SPMIP2: variants seen among roughly 807,000 people sequenced by gnomAD.
SPMIP2 encodes the protein protein SPMIP2.
chr4:159,020,610 CT>C, the SPMIP2 span, among the ~76,000 whole-genome samples: 1 of 152,162 alleles, frequency 6.6e-6, no homozygotes. Context: ...CCTATGCCAC[CT>C]TCTGGGAAGT....
the SPMIP2 span, among the ~76,000 whole-genome samples, chr4:159,018,828 C>T: frequency 5.3e-5 from 8 of 152,150 alleles, no homozygotes; most frequent in Middle Eastern, 3.2e-3. Context: ...CAGTGGCTCA[C>T]GCCTGTAATC....
At chr4:159,029,369 G>T in the SPMIP2 span, among the ~76,000 whole-genome samples, 1 of 152,136 alleles carries the variant, frequency 6.6e-6, no homozygotes, top group African/African-American at 2.4e-5. Flanking sequence ...ATCTAAAAGT[G>T]CATACATAAA....
At chr4:159,050,717 A>G in the SPMIP2 span, among the ~76,000 whole-genome samples, 1 of 151,632 alleles carries the variant, frequency 6.6e-6, no homozygotes, top group African/African-American at 2.4e-5. Context: ...GATCACTTGA[A>G]CCCAGGAGTT....
At chr4:158,965,141 A>G in the SPMIP2 span, among the ~76,000 whole-genome samples, 1 of 152,206 alleles carries the variant, frequency 6.6e-6, no homozygotes, top group African/African-American at 2.4e-5. Context: ...ACGAAACAAA[A>G]CAAAACAAGA....
the SPMIP2 span, among the ~76,000 whole-genome samples, chr4:159,004,835 TAAAGCTACCAGGTC>T: frequency 1.1e-4 from 16 of 152,104 alleles, no homozygotes; most frequent in Non-Finnish European, 2.1e-4. Flanking sequence ...GACCTGGTAT[TAAAGCTACCAGGTC>T]AAGAGTGGTT....
At chr4:159,044,484 G>C in the SPMIP2 span, among the ~76,000 whole-genome samples, 1 of 151,970 alleles carries the variant, frequency 6.6e-6, no homozygotes, top group East Asian at 1.9e-4. Flanking sequence ...AACCTAGATG[G>C]GAGAAGTTAA....
At chr4:158,986,783 G>C in the SPMIP2 span, among the ~76,000 whole-genome samples, 3 of 151,998 alleles carry the variant, frequency 2.0e-5, no homozygotes, top group South Asian at 6.3e-4. Flanking sequence ...TGACAAATGG[G>C]ATCTAATCAA....
At chr4:158,917,910 G>A in the SPMIP2 span, among the ~76,000 whole-genome samples, 2 of 151,614 alleles carry the variant, frequency 1.3e-5, no homozygotes, top group African/African-American at 4.8e-5. Flanking sequence ...GTAGAGACAG[G>A]GTTTCACCAT....
chr4:158,985,755 T>C, the SPMIP2 span, among the ~76,000 whole-genome samples: 1 of 152,098 alleles, frequency 6.6e-6, no homozygotes, highest in Non-Finnish European at 1.5e-5. Context: ...ACCACTCCTA[T>C]TCAACATACT....
the SPMIP2 span, among the ~76,000 whole-genome samples, chr4:159,036,091 G>A: frequency 1.3e-5 from 2 of 152,024 alleles, no homozygotes; most frequent in East Asian, 1.9e-4. Flanking sequence ...GAAATATATC[G>A]GCTACCTGAT....
the SPMIP2 span, among the ~76,000 whole-genome samples, chr4:158,919,173 A>T: frequency 1.3e-5 from 2 of 152,224 alleles, no homozygotes; most frequent in South Asian, 2.1e-4. Context: ...ACAAACAAGG[A>T]CATTCTACAT....
chr4:159,073,941 G>T, the SPMIP2 span, among the ~76,000 whole-genome samples: 4 of 152,116 alleles, frequency 2.6e-5, no homozygotes, highest in Admixed American at 2.0e-4. Flanking sequence ...GGAGGTGGAG[G>T]TTGCAGTGAG....
At chr4:158,999,101 G>A in the SPMIP2 span, among the ~76,000 whole-genome samples, 1 of 152,036 alleles carries the variant, frequency 6.6e-6, no homozygotes, top group Non-Finnish European at 1.5e-5. Flanking sequence ...GAGGTCAGGA[G>A]GTTGAGGCTG....
At chr4:158,972,182 C>T in the SPMIP2 span, among the ~76,000 whole-genome samples, 3 of 152,170 alleles carry the variant, frequency 2.0e-5, no homozygotes, top group East Asian at 3.9e-4. Context: ...GCCAGCATGG[C>T]GAAACCCCAT....
chr4:158,972,918 AGCACAT>A, the SPMIP2 span, among the ~76,000 whole-genome samples: 1 of 152,234 alleles, frequency 6.6e-6, no homozygotes, highest in Non-Finnish European at 1.5e-5. Context: ...CCAGGAGTGG[AGCACAT>A]GCATTTATTC....
chr4:158,895,510 A>T, the SPMIP2 span, among the ~76,000 whole-genome samples: 1 of 152,254 alleles, frequency 6.6e-6, no homozygotes, highest in Admixed American at 6.5e-5. Flanking sequence ...TTGTTTAAAA[A>T]GACTAGAATA....
At chr4:159,002,796 G>A in the SPMIP2 span, among the ~76,000 whole-genome samples, 9 of 125,818 alleles carry the variant, frequency 7.2e-5, no homozygotes, top group South Asian at 5.3e-4. Flanking sequence ...ACACACACAC[G>A]CAGTGTTGTT....
chr4:158,960,473 AAAG>A, the SPMIP2 span: 1 of 563,642 alleles, frequency 1.8e-6, no homozygotes, highest in Non-Finnish European at 3.1e-6. Context: ...AATTCAGTTA[AAAG>A]AAGATCAGAG....
the SPMIP2 span, among the ~76,000 whole-genome samples, chr4:159,054,120 T>A: frequency 6.6e-6 from 1 of 152,248 alleles, no homozygotes; most frequent in East Asian, 1.9e-4. Context: ...TAGCTGGGAC[T>A]ACAGGTGCAT....
Sources: gnomAD v4.1 joint callset for allele counts (sites outside exome capture counted in the v4.1 genomes callset) on GRCh38, gnomAD v4.1.1 for gene constraint, MANE v1.5 for transcripts, NCBI Gene and HGNC (gene_info 2026-07-23, HGNC 2026-07-21) for gene names.